The following PCCB variants were observed in gnomAD, a reference collection of about 807,000 sequenced individuals.
PCCB encodes propionyl-CoA carboxylase beta chain, mitochondrial.
PCCB carries 43 observed loss-of-function variants against 60.7 expected under a neutral mutation model. The observed-to-expected ratio is 0.71, with a 90% CI of 0.55 to 0.91. The LOEUF (loss-of-function observed/expected upper bound fraction) is 0.91, where lower values mean the gene tolerates loss of function less well. Among genes scored for constraint, PCCB ranks in the 40% least tolerant of loss-of-function variants. The probability of loss-of-function intolerance (pLI) is 0.00; values close to 1 mark genes in which losing one functional copy is unlikely to be tolerated. For synonymous variants in PCCB, 276 were observed against 255.9 expected, an observed-to-expected ratio of 1.08 and a Z score of -0.75; for missense variants, 766 against 702.8, an observed-to-expected ratio of 1.09 and a Z score of -1.02.
intron 1 of PCCB, chr3:136,255,634 C>T: frequency 1.7e-6 from 1 of 571,456 alleles, no homozygotes; most frequent in Non-Finnish European, 3.2e-6. Flanking sequence ...ATTCATCTTC[C>T]ACAGTTGGGT....
intron 9 of PCCB, among the ~76,000 whole-genome samples, chr3:136,301,875 C>T (rs559407518): frequency 1.8e-4 from 27 of 152,138 alleles, no homozygotes; most frequent in Non-Finnish European, 3.1e-4. Context: ...TGCAGGGGCA[C>T]GTGCAATCAC....
chr3:136,273,902 A>T (rs1576318681), intron 5 of PCCB, among the ~76,000 whole-genome samples: 1 of 96,104 alleles, frequency 1.0e-5, no homozygotes. Context: ...ACAGAGGGAG[A>T]CTCTGTCTCA....
chr3:136,253,757 A>G (rs1576400518), intron 1 of PCCB, among the ~76,000 whole-genome samples: 1 of 145,484 alleles, frequency 6.9e-6, no homozygotes, highest in African/African-American at 2.6e-5. Context: ...TGCATCCTCG[A>G]CCTCTGGGCT....
intron 13 of PCCB, 110 bp from the exon 14 acceptor site, chr3:136,328,648 A>C: frequency 1.2e-6 from 1 of 830,152 alleles, no homozygotes; most frequent in Non-Finnish European, 2.1e-6. Context: ...ACTTCCCCTC[A>C]GTACACTGAT....
intron 8 of PCCB, among the ~76,000 whole-genome samples, chr3:136,300,160 A>G (rs1934206305): frequency 7.5e-6 from 1 of 133,750 alleles, no homozygotes; most frequent in African/African-American, 3.2e-5. Flanking sequence ...ACATACATAT[A>G]TACACATATG....
At chr3:136,315,852 G>A (rs1176123381) in intron 9 of PCCB, among the ~76,000 whole-genome samples, 3 of 151,404 alleles carry the variant, frequency 2.0e-5, no homozygotes, top group African/African-American at 7.3e-5. Context: ...TTGTGGTAAT[G>A]TTTATTTCCT....
At chr3:136,268,100 A>G (rs796708065) in intron 5 of PCCB, among the ~76,000 whole-genome samples, 1,458 of 63,414 alleles carry the variant, frequency 0.023, 21 homozygotes, top group East Asian at 0.16. Context: ...ATATATATAT[A>G]TATATATATA....
At chr3:136,305,746 TA>T (rs539854504) in intron 9 of PCCB, among the ~76,000 whole-genome samples, 12,167 of 83,150 alleles carry the variant, frequency 0.15, 2,503 homozygotes, top group Non-Finnish European at 0.18. Context: ...AAACTGTCTC[TA>T]AAAAAAAAAA....
rs202031294 is a variant in PCCB, at chr3:136,314,672, AAACAAAAAAAC to A, written c.967-2266_967-2256del. 3.3e-3 allele frequency among the ~76,000 whole-genome samples: 500 copies of A among 151,582 alleles called. 6 individuals carry two copies. In the East Asian group the frequency reaches 0.047, roughly 14 times the overall value. Reference sequence around the variant, plus strand: ...CCTGTCTCAAGAAAAACAAAAACAAAAACAAAAAAACAAAACAAAAAAACTCACCATTTGGC... The same window carrying A: ...CCTGTCTCAAGAAAAACAAAAACAAAAAAACAAAAAAACTCACCATTTGGC... On this transcript the variant is annotated intron_variant, in intron 9 of 14. Transcript: ENST00000251654.
chr3:136,289,422 C>T (rs1933571498), intron 6 of PCCB, among the ~76,000 whole-genome samples: 1 of 152,078 alleles, frequency 6.6e-6, no homozygotes, highest in Non-Finnish European at 1.5e-5. Flanking sequence ...GGTCTGAAGC[C>T]TTTTCTTTCT....
At chr3:136,284,086 A>G (rs2108182391) in intron 6 of PCCB, 139 bp downstream of exon 6, 1 of 697,976 alleles carries the variant, frequency 1.4e-6, no homozygotes, top group Non-Finnish European at 2.6e-6. Context: ...TAAGGTGTTA[A>G]TGGAGAGAGG....
intron 10 of PCCB, among the ~76,000 whole-genome samples, chr3:136,318,614 C>T (rs1307315963): frequency 6.6e-6 from 1 of 152,228 alleles, no homozygotes; most frequent in East Asian, 1.9e-4. Flanking sequence ...TATGAATTTG[C>T]CTATTTTAGA....
intron 10 of PCCB, among the ~76,000 whole-genome samples, chr3:136,326,103 C>T (rs528909218): frequency 4.6e-5 from 7 of 152,322 alleles, no homozygotes; most frequent in East Asian, 1.9e-4. Flanking sequence ...TGAGCCACCG[C>T]GCCTGGCCTA....
chr3:136,300,905 C>G, intron 8 of PCCB, 125 bp from the exon 9 acceptor site: 1 of 734,876 alleles, frequency 1.4e-6, no homozygotes, highest in East Asian at 2.6e-5. Flanking sequence ...GCTTTGTAAG[C>G]CCAGCAGGGA....
chr3:136,316,734 A>T (rs1239220456), intron 9 of PCCB, among the ~76,000 whole-genome samples: 4 of 152,078 alleles, frequency 2.6e-5, no homozygotes, highest in African/African-American at 4.8e-5. Flanking sequence ...TCTTAGCAGC[A>T]GTTGAGGTTT....
chr3:136,318,052 G>C (rs1213759363), intron 10 of PCCB, among the ~76,000 whole-genome samples: 1 of 152,134 alleles, frequency 6.6e-6, no homozygotes, highest in African/African-American at 2.4e-5. Context: ...TTAGAAAACT[G>C]TTTTGGCTGG....
chr3:136,318,806 G>T (rs1033467812), intron 10 of PCCB, among the ~76,000 whole-genome samples: 3 of 152,052 alleles, frequency 2.0e-5, no homozygotes, highest in Non-Finnish European at 4.4e-5. Context: ...TTGATTGATT[G>T]TCCATTTGTC....
chr3:136,327,867 A>C (rs1178787705), intron 13 of PCCB, 135 bp downstream of exon 13: 4 of 735,248 alleles, frequency 5.4e-6, no homozygotes, highest in Non-Finnish European at 9.8e-6. Context: ...AATGGGACCT[A>C]GACCTTGGTA....
chr3:136,298,706 A>G (rs1934046760), intron 8 of PCCB, among the ~76,000 whole-genome samples: 1 of 152,190 alleles, frequency 6.6e-6, no homozygotes, highest in African/African-American at 2.4e-5. Context: ...TGGAGGCACC[A>G]TAGAGTAAAG....
Sources: allele counts gnomAD v4.1 joint callset (sites outside exome capture counted in the v4.1 genomes callset), GRCh38; gene constraint gnomAD v4.1.1; transcripts MANE v1.5; gene names NCBI Gene and HGNC (gene_info 2026-07-23, HGNC 2026-07-21).